Variants in SSR2 observed in about 807,000 individuals in gnomAD.
SSR2 encodes signal sequence receptor subunit 2.
A neutral mutation model predicts 22.6 loss-of-function variants in SSR2; 16 were observed. The observed-to-expected ratio is 0.71, with a 90% confidence interval of 0.48 to 1.08. SSR2 has a LOEUF of 1.08. SSR2 is among the 50% of genes least tolerant of loss of function. The pLI is 0.00. For synonymous variants in SSR2, 83 were observed against 91.2 expected, an observed-to-expected ratio of 0.91 and a Z score of 0.51; for missense variants, 171 against 221.6, an observed-to-expected ratio of 0.77 and a Z score of 1.45.
chr1:156,016,742 G>A (rs1262228033), intron 3 of SSR2, among the ~76,000 whole-genome samples: 1 of 152,160 alleles, frequency 6.6e-6, no homozygotes, highest in East Asian at 1.9e-4. Context: ...TGGAGGAGGG[G>A]CCTGGTGGGA....
rs202237083 is a variant in SSR2, at chr1:156,009,538, A to T, written c.*2T>A. On this transcript the variant is annotated 3_prime_UTR_variant, in exon 6 of 6. Coordinates refer to ENST00000295702, the MANE Select transcript of SSR2 (RefSeq NM_003145.4). ...GGGAGAGGAGGGCTGTGGAAGCCCCAATCAGTTCTTCTTCGTTTTGGGAGT... is the reference window on the plus strand; with the variant it reads ...GGGAGAGGAGGGCTGTGGAAGCCCCTATCAGTTCTTCTTCGTTTTGGGAGT... The T allele has an allele frequency of 2.5e-6, 4 of 1,609,656 alleles. No individual in the cohort carries two copies. In the South Asian group the frequency reaches 3.3e-5, roughly 13 times the overall value.
chr1:156,009,764 T>C (rs1313440764), intron 5 of SSR2, 114 bp from the exon 6 acceptor site: 14 of 679,978 alleles, frequency 2.1e-5, no homozygotes, highest in Non-Finnish European at 3.4e-5. Context: ...TTATTTATTT[T>C]TGATACAAAG....
chr1:156,014,587 G>A (rs1683024455), intron 4 of SSR2: 1 of 171,228 alleles, frequency 5.8e-6, no homozygotes, highest in Non-Finnish European at 1.3e-5. Flanking sequence ...TGTCGCCCAG[G>A]CTGAAGTGCA....
In SSR2 at chr1:156,020,236, C is replaced by T. The variant is rs747930857; in HGVS notation, c.1-69G>A. The T allele has an allele frequency of 2.6e-6, 4 of 1,557,896 alleles. No homozygotes were observed. In the South Asian group the frequency reaches 4.6e-5, roughly 18 times the overall value. ...AAATTCACCAAAATCCTCTTGACAG[C>T]GCTCCCGTAGAAAGCTCCTTCGATG... On this transcript the variant is annotated intron_variant, in intron 1 of 5. Coordinates refer to ENST00000295702, the MANE Select transcript of SSR2 (RefSeq NM_003145.4).
intron 4 of SSR2, chr1:156,012,985 G>A (rs1683000045): frequency 6.7e-6 from 1 of 149,850 alleles, no homozygotes; most frequent in Non-Finnish European, 1.5e-5. Flanking sequence ...ACTGGCCTCA[G>A]GGAGTTTATA....
intron 4 of SSR2, 48 bp from the exon 5 acceptor site, chr1:156,011,935 T>G (rs1682983556): frequency 6.8e-7 from 1 of 1,473,336 alleles, no homozygotes; most frequent in African/African-American, 1.4e-5. Context: ...CCTCATGAAG[T>G]TCCACCTCAT....
chr1:156,009,539 A>G lies in SSR2; in HGVS notation c.*1T>C, dbSNP rs1446331982. On this transcript the variant is annotated 3_prime_UTR_variant, in exon 6 of 6. Transcript: ENST00000295702. ...GGAGAGGAGGGCTGTGGAAGCCCCAATCAGTTCTTCTTCGTTTTGGGAGTG... is the reference window on the plus strand; with the variant it reads ...GGAGAGGAGGGCTGTGGAAGCCCCAGTCAGTTCTTCTTCGTTTTGGGAGTG... The G allele has an allele frequency of 1.9e-6, 3 of 1,610,260 alleles. No individual in the cohort carries two copies. The highest frequency in any genetic ancestry group is 2.5e-6 in the Non-Finnish European group (3 of 1,177,268).
intron 4 of SSR2, chr1:156,013,593 A>G (rs906783712): frequency 3.9e-5 from 6 of 153,550 alleles, no homozygotes; most frequent in Non-Finnish European, 8.8e-5. Flanking sequence ...GAACAAAGGC[A>G]CAAAGGAAAG....
In SSR2 at chr1:156,015,111, T is replaced by C. The variant is rs1209408626; in HGVS notation, c.255-42A>G. On this transcript the variant is annotated intron_variant, in intron 3 of 5. Coordinates refer to ENST00000295702, the MANE Select transcript of SSR2 (RefSeq NM_003145.4). Reference sequence around the variant, plus strand: ...GGAACGGAAAGAGATGAAGCTAAAGTTGTAGCAGCCTTTCAACCTGTGGAC... The same window carrying C: ...GGAACGGAAAGAGATGAAGCTAAAGCTGTAGCAGCCTTTCAACCTGTGGAC... 3.3e-6 allele frequency: 5 copies of C among 1,512,060 alleles called. No homozygotes were observed. In the African/African-American group the frequency reaches 5.5e-5, roughly 17 times the overall value. The allele number at this position is 1,512,060 out of a possible 1,614,324, so 93.7% of individuals were successfully genotyped here.
intron 2 of SSR2, among the ~76,000 whole-genome samples, chr1:156,018,663 C>T (rs1194310995): frequency 2.7e-5 from 4 of 148,938 alleles, no homozygotes; most frequent in Non-Finnish European, 4.4e-5. Context: ...GAGCCAAGAT[C>T]GCACCACTAT....
At chr1:156,014,888 T>C in intron 4 of SSR2, 73 bp downstream of exon 4, 1 of 1,251,706 alleles carries the variant, frequency 8.0e-7, no homozygotes, top group Non-Finnish European at 1.2e-6. Flanking sequence ...CATCCCCCTC[T>C]TACCCCCACC....
At chr1:156,009,780 G>GTT (rs374325952) in intron 5 of SSR2, 130 bp from the exon 6 acceptor site, 494 of 506,520 alleles carry the variant, frequency 9.8e-4, no homozygotes, top group Non-Finnish European at 1.1e-3. Context: ...CAAAGTCTTA[G>GTT]TTTTTTTTTT....
At chr1:156,018,111 G>T in intron 3 of SSR2, 159 bp downstream of exon 3, 1 of 582,982 alleles carries the variant, frequency 1.7e-6, no homozygotes, top group African/African-American at 1.9e-5. Context: ...TCTAAATCAT[G>T]CTCACACAAT....
In SSR2 at chr1:156,020,088, T is replaced by A. The variant is rs939014981; in HGVS notation, c.80A>T (p.Lys27Ile). ...AEEGARLLAS[K>I]SLLNRYAVEG... is the part of the protein sequence containing the mutation. ...CACGGCGTATCTGTTCAGCAGTGAT[T>A]TGGAAGCCAAAAGCCTGGCTCCTTC... is the stretch of plus-strand genomic sequence containing the variant. Residue 27 changes from lysine to isoleucine, a missense_variant, in exon 2 of 6, where the codon AAA becomes ATA. By Grantham distance (102) the Lys-to-Ile change is moderately radical. Transcript: ENST00000295702. 1 of 1,614,144 alleles carries A rather than the reference T, an allele frequency of 6.2e-7. No homozygotes were observed.
chr1:156,011,748 C>A, intron 5 of SSR2, 62 bp downstream of exon 5: 1 of 1,421,044 alleles, frequency 7.0e-7, no homozygotes, highest in South Asian at 1.2e-5. Flanking sequence ...CCAAGAGGGT[C>A]CAGAACCAAA....
At chr1:156,020,636 C>A in intron 1 of SSR2, 1 of 341,700 alleles carries the variant, frequency 2.9e-6, no homozygotes, top group Non-Finnish European at 5.8e-6. Context: ...CCCTGTACCC[C>A]ACTCTCCAGT....
Position 156,011,852 on chromosome 1 carries a change from G to A in SSR2, c.399C>T (p.Ile133=), listed in dbSNP as rs1195562798. The A allele has an allele frequency of 6.2e-7, 1 of 1,613,792 alleles. No individual in the cohort carries two copies. Among genetic ancestry groups the A allele is most frequent in the Non-Finnish European group, 8.5e-7 (1 of 1,179,904 alleles). Residue 133 remains isoleucine (I), a synonymous_variant, in exon 5 of 6, where the codon ATC becomes ATT. Coordinates refer to ENST00000295702, the MANE Select transcript of SSR2 (RefSeq NM_003145.4). ...GSTSAPGQGG[I]LAQREFDRRF... ...GCCTGTCAAACTCCCGCTGAGCCAG[G>A]ATTCCTCCCTGTCCAGGTGCACTGG...
intron 4 of SSR2, chr1:156,012,657 G>A (rs991617488): frequency 1.6e-5 from 7 of 449,262 alleles, no homozygotes; most frequent in Non-Finnish European, 3.1e-5. Flanking sequence ...AATGCAGAAG[G>A]TGCAATGAAT....
At chr1:156,011,983 T>G in intron 4 of SSR2, 96 bp from the exon 5 acceptor site, 7 of 856,498 alleles carry the variant, frequency 8.2e-6, no homozygotes, top group Non-Finnish European at 1.4e-5. Context: ...AACCCAACTC[T>G]ATGCATTAGA....
Sources: gnomAD v4.1 joint callset for allele counts (sites outside exome capture counted in the v4.1 genomes callset) on GRCh38, gnomAD v4.1.1 for gene constraint, MANE v1.5 for transcripts, NCBI Gene and HGNC (gene_info 2026-07-23, HGNC 2026-07-21) for gene names.